Variants in EGFR observed in about 807,000 individuals in gnomAD.
EGFR encodes avian erythroblastic leukemia viral (v-erb-b) oncogene homolog.
In EGFR, 58 loss-of-function variants were observed where a neutral mutation model predicts 143.0. That is an observed-to-expected ratio of 0.41 (90% CI 0.33 to 0.50). The LOEUF is 0.50. Ranked by LOEUF, EGFR falls within the 20% of genes least tolerant of loss-of-function variation. The probability of loss-of-function intolerance (pLI) is 0.39; values close to 1 mark genes in which losing one functional copy is unlikely to be tolerated. For synonymous variants in EGFR, 613 were observed against 594.4 expected (o/e 1.03, Z -0.45); for missense variants, 1,307 against 1,579.0 (o/e 0.83, Z 2.92).
intron 15 of EGFR, chr7:55,166,169 A>G: frequency 4.3e-6 from 2 of 465,686 alleles, no homozygotes; most frequent in Admixed American, 3.0e-5. Flanking sequence ...AAAAACAAAA[A>G]AAAAAGCTAC....
At chr7:55,085,339 C>T (rs1004610724) in intron 1 of EGFR, among the ~76,000 whole-genome samples, 2 of 152,166 alleles carry the variant, frequency 1.3e-5, no homozygotes, top group Admixed American at 6.5e-5. Flanking sequence ...CCATGTGGCT[C>T]CTGCATGCTT....
intron 1 of EGFR, among the ~76,000 whole-genome samples, chr7:55,043,406 T>G (rs2128870399): frequency 6.6e-6 from 1 of 152,326 alleles, no homozygotes; most frequent in South Asian, 2.1e-4. Flanking sequence ...TCACCCAGGC[T>G]GGAGTGCAGT....
At chr7:55,143,225 G>A in intron 2 of EGFR, 80 bp from the exon 3 acceptor site, 1 of 1,525,688 alleles carries the variant, frequency 6.6e-7, no homozygotes, top group South Asian at 1.1e-5. Flanking sequence ...GGCGTCCTAG[G>A]GCTCCCTGGA....
intron 1 of EGFR, among the ~76,000 whole-genome samples, chr7:55,082,597 A>AT (rs1790526614): frequency 3.9e-5 from 6 of 152,042 alleles, no homozygotes; most frequent in Admixed American, 3.9e-4. Flanking sequence ...CAGGGTTTTC[A>AT]TTTTTTTCAT....
chr7:55,095,578 A>G (rs1376941380), intron 1 of EGFR, among the ~76,000 whole-genome samples: 1 of 152,206 alleles, frequency 6.6e-6, no homozygotes, highest in African/African-American at 2.4e-5. Flanking sequence ...CAATGAGAGA[A>G]TTAATTATAG....
intron 1 of EGFR, among the ~76,000 whole-genome samples, chr7:55,098,203 G>A (rs556323328): frequency 8.5e-5 from 13 of 152,250 alleles, no homozygotes; most frequent in South Asian, 6.2e-4. Context: ...TGGTAGCTTC[G>A]TTAGAAACTG....
At chr7:55,091,917 T>G (rs1584016978) in intron 1 of EGFR, among the ~76,000 whole-genome samples, 2 of 148,158 alleles carry the variant, frequency 1.3e-5, no homozygotes, top group Middle Eastern at 3.5e-3. Context: ...GAGAGAGAGA[T>G]AACTAAAGAG....
rs1237706679 is a variant in EGFR, at chr7:55,155,960, C to T, written c.1006+14C>T. 10 of 1,598,990 alleles carry T rather than the reference C, an allele frequency of 6.3e-6. No homozygotes were observed. Among genetic ancestry groups the T allele is most frequent in the South Asian group, 2.2e-5 (2 of 90,370 alleles). On this transcript the variant is annotated intron_variant, in intron 8 of 27. Transcript: ENST00000275493. ...CTTGCCGCAAAGGTAGGAAGCCCGC[C>T]GGTGTGCGGACGAGGCTTGTTCTCG... is the stretch of plus-strand genomic sequence containing the variant.
chr7:55,114,054 C>T (rs1450740109), intron 1 of EGFR, among the ~76,000 whole-genome samples: 31 of 152,216 alleles, frequency 2.0e-4, no homozygotes, highest in Admixed American at 1.9e-3. Context: ...TGTGTTCTCA[C>T]ATTTCACAGC....
At chr7:55,139,387 A>C (rs1057319371) in intron 1 of EGFR, among the ~76,000 whole-genome samples, 2 of 152,186 alleles carry the variant, frequency 1.3e-5, no homozygotes, top group Non-Finnish European at 2.9e-5. Context: ...TCATTGCTTT[A>C]TATTTCTAAC....
chr7:55,087,284 C>CAAAA (rs55890622), intron 1 of EGFR, among the ~76,000 whole-genome samples: 1 of 117,642 alleles, frequency 8.5e-6, no homozygotes, highest in Non-Finnish European at 1.7e-5. Context: ...AAAAAAAAAA[C>CAAAA]AAAAAAAAAA....
At chr7:55,076,360 G>A (rs1790129429) in intron 1 of EGFR, among the ~76,000 whole-genome samples, 1 of 152,136 alleles carries the variant, frequency 6.6e-6, no homozygotes, top group African/African-American at 2.4e-5. Context: ...ATGTCCTTGA[G>A]TTTTATTATC....
chr7:55,171,270 TG>T, intron 16 of EGFR, 57 bp downstream of exon 16: 1 of 1,601,616 alleles, frequency 6.2e-7, no homozygotes, highest in South Asian at 1.1e-5. Context: ...CACACTGCTG[TG>T]GGTGAAGATG....
chr7:55,057,087 C>T (rs2128877102), intron 1 of EGFR, among the ~76,000 whole-genome samples: 1 of 152,248 alleles, frequency 6.6e-6, no homozygotes, highest in African/African-American at 2.4e-5. Flanking sequence ...ACTGAAGGTG[C>T]TATCATGGAG....
chr7:55,062,959 G>A (rs767449608), intron 1 of EGFR, among the ~76,000 whole-genome samples: 3 of 152,024 alleles, frequency 2.0e-5, no homozygotes, highest in Non-Finnish European at 4.4e-5. Flanking sequence ...TTCGAGAGAG[G>A]CACCACGGTT....
At chr7:55,170,516 T>A (rs2128950838) in intron 15 of EGFR, 1 of 1,613,772 alleles carries the variant, frequency 6.2e-7, no homozygotes, top group Non-Finnish European at 8.5e-7. Flanking sequence ...TCTGCATCTG[T>A]GATCATCACG....
At chr7:55,203,213 C>T (rs965046715) in intron 27 of EGFR, 2 of 232,134 alleles carry the variant, frequency 8.6e-6, no homozygotes, top group African/African-American at 2.3e-5. Flanking sequence ...TACACACACA[C>T]CTCAAATACA....
intron 1 of EGFR, among the ~76,000 whole-genome samples, chr7:55,131,958 G>A (rs1181883118): frequency 8.4e-5 from 12 of 143,332 alleles, no homozygotes; most frequent in South Asian, 4.5e-4. Context: ...AAAAAAAAAA[G>A]AAGCACACTG....
At chr7:55,096,266 A>G (rs778397092) in intron 1 of EGFR, among the ~76,000 whole-genome samples, 1 of 152,190 alleles carries the variant, frequency 6.6e-6, no homozygotes, top group Non-Finnish European at 1.5e-5. Context: ...TCTCAGGCAC[A>G]CTGATACACA....
Sources: gnomAD v4.1 joint callset for allele counts (sites outside exome capture counted in the v4.1 genomes callset) on GRCh38, gnomAD v4.1.1 for gene constraint, MANE v1.5 for transcripts, NCBI Gene and HGNC (gene_info 2026-07-23, HGNC 2026-07-21) for gene names.